Variants in NADSYN1 observed in about 807,000 individuals in gnomAD.
NADSYN1 encodes the protein glutamine-dependent NAD(+) synthetase.
In NADSYN1, 80 loss-of-function variants were observed where a neutral mutation model predicts 99.3. The observed-to-expected ratio is 0.81, with a 90% CI of 0.67 to 0.97. The LOEUF is 0.97. Ranked by LOEUF, NADSYN1 falls within the 50% of genes least tolerant of loss-of-function variation. The pLI is 0.00. For missense variants in NADSYN1, 859 were observed against 948.5 expected, an observed-to-expected ratio of 0.91 and a Z score of 1.24; for synonymous variants, 385 against 372.1, an observed-to-expected ratio of 1.03 and a Z score of -0.40.
At chr11:71,455,310 G>A (rs958984704) in intron 2 of NADSYN1, 140 bp downstream of exon 2, 2 of 662,802 alleles carry the variant, frequency 3.0e-6, no homozygotes, top group Admixed American at 3.0e-5. Flanking sequence ...CCTGGTTAAT[G>A]CCATTGAACA....
intron 18 of NADSYN1, among the ~76,000 whole-genome samples, chr11:71,495,907 G>A (rs1043446473): frequency 6.6e-6 from 1 of 152,214 alleles, no homozygotes; most frequent in Non-Finnish European, 1.5e-5. Context: ...CAATGGAAAG[G>A]GCCTGGGTTG....
intron 18 of NADSYN1, among the ~76,000 whole-genome samples, chr11:71,493,667 C>A (rs1194272159): frequency 1.3e-5 from 2 of 152,136 alleles, no homozygotes; most frequent in Non-Finnish European, 2.9e-5. Flanking sequence ...CTCCAACTTC[C>A]TTAGGTCACA....
chr11:71,485,500 C>T (rs1251498678), intron 15 of NADSYN1, 42 bp from the exon 16 acceptor site: 4 of 1,483,070 alleles, frequency 2.7e-6, no homozygotes, highest in Non-Finnish European at 3.6e-6. Context: ...CCCCGTGTTC[C>T]TTTGCAAGGG....
At chr11:71,487,963 G>C (rs1949754227) in intron 16 of NADSYN1, among the ~76,000 whole-genome samples, 1 of 152,090 alleles carries the variant, frequency 6.6e-6, no homozygotes, top group Non-Finnish European at 1.5e-5. Flanking sequence ...TAGTACTGAA[G>C]CCCTTCTCTC....
chr11:71,490,898 T>C lies in NADSYN1; in HGVS notation c.1616T>C (p.Ile539Thr), dbSNP rs1949774219. ...YDCSSADINPIGGISKTDLRA... is the reference protein window; with the variant it reads ...YDCSSADINPTGGISKTDLRA... ...TGCTCCAGTGCGGACATCAACCCCA[T>C]AGGCGGGATCAGCAAGACGGACCTC... The change falls in exon 17 of 21, where the codon ATA (isoleucine) becomes ACA (threonine). Residue 539 changes from isoleucine to threonine, a missense_variant. Physicochemically the swap from Ile to Thr is moderately conservative, Grantham distance 89. Coordinates refer to ENST00000319023, the MANE Select transcript of NADSYN1 (RefSeq NM_018161.5). The C allele has an allele frequency of 2.5e-6, 4 of 1,614,148 alleles. No individual in the cohort carries two copies. In the South Asian group the frequency reaches 3.3e-5, roughly 13 times the overall value.
intron 8 of NADSYN1, among the ~76,000 whole-genome samples, 159 bp from the exon 9 acceptor site, chr11:71,474,236 C>T (rs1027535172): frequency 3.3e-5 from 5 of 152,192 alleles, no homozygotes; most frequent in African/African-American, 1.2e-4. Flanking sequence ...CGCAGCTTCA[C>T]AGGTCTGTGC....
chr11:71,484,564 A>G, intron 15 of NADSYN1, 117 bp downstream of exon 15: 1 of 1,393,758 alleles, frequency 7.2e-7, no homozygotes, highest in Non-Finnish European at 9.5e-7. Flanking sequence ...AGCTCATGGC[A>G]CCGGTTACCT....
At chr11:71,488,112 T>C (rs1360503599) in intron 16 of NADSYN1, among the ~76,000 whole-genome samples, 1 of 152,162 alleles carries the variant, frequency 6.6e-6, no homozygotes, top group Non-Finnish European at 1.5e-5. Context: ...TGTTGTTGAA[T>C]TGCTTCTGAT....
chr11:71,464,867 CAAAAAAAAAA>C (rs926724365), intron 5 of NADSYN1, among the ~76,000 whole-genome samples: 406 of 40,512 alleles, frequency 0.01, 7 homozygotes, highest in African/African-American at 0.032. Flanking sequence ...GACTCTGTCT[CAAAAAAAAAA>C]AAAAAAAAAA....
chr11:71,493,884 C>A (rs1179791365), intron 18 of NADSYN1, among the ~76,000 whole-genome samples: 1 of 152,150 alleles, frequency 6.6e-6, no homozygotes, highest in Non-Finnish European at 1.5e-5. Flanking sequence ...GTAATCCCAG[C>A]ACTTTGGGAG....
chr11:71,464,763 A>T (rs936463305), intron 5 of NADSYN1, among the ~76,000 whole-genome samples: 3 of 147,458 alleles, frequency 2.0e-5, no homozygotes, highest in East Asian at 2.1e-4. Flanking sequence ...GCTACTCGGG[A>T]GGCTGAGGCA....
intron 3 of NADSYN1, chr11:71,458,850 T>A: frequency 3.5e-6 from 1 of 289,692 alleles, no homozygotes; most frequent in Admixed American, 4.7e-5. Flanking sequence ...AGAGCTTGAC[T>A]CACATCACAG....
chr11:71,475,102 A>G (rs1435439353), intron 9 of NADSYN1: 3 of 167,382 alleles, frequency 1.8e-5, no homozygotes, highest in Admixed American at 1.6e-4. Context: ...GAGGGCTGGC[A>G]GGGAACCAAA....
chr11:71,472,459 G>T lies in NADSYN1; in HGVS notation c.418G>T (p.Glu140Ter). The T allele has an allele frequency of 6.2e-7, 1 of 1,613,246 alleles. No individual in the cohort carries two copies. Residue 140 changes from glutamate to a stop codon, truncating the protein, a stop_gained, in exon 6 of 21, where the codon GAG becomes TAG. Coordinates refer to ENST00000319023, the MANE Select transcript of NADSYN1 (RefSeq NM_018161.5). LOFTEE classifies it high-confidence loss of function. ...TGTTTTCCTCTCCAGGCACACAGAG[G>T]AGTACTTTCTGCCTCGGATGATACA... The part of the protein sequence containing the change: ...TPWSRSRHTE[E>*]YFLPRMIQDL...
At chr11:71,458,226 C>G (rs928501297) in intron 2 of NADSYN1, among the ~76,000 whole-genome samples, 2 of 152,172 alleles carry the variant, frequency 1.3e-5, no homozygotes, top group Non-Finnish European at 2.9e-5. Flanking sequence ...GAGCAGGGGC[C>G]GTGCTCTTCG....
At chr11:71,477,380 C>G (rs1257773198) in intron 9 of NADSYN1, 1 of 1,289,606 alleles carries the variant, frequency 7.8e-7, no homozygotes, top group Non-Finnish European at 1.0e-6. Context: ...TGGGAAGCAG[C>G]CAGAGAACCA....
At chr11:71,474,940 G>A (rs974684594) in intron 9 of NADSYN1, 3 of 280,678 alleles carry the variant, frequency 1.1e-5, no homozygotes, top group African/African-American at 2.2e-5. Flanking sequence ...CCCACAGTGC[G>A]GGAGGAGGGC....
intron 5 of NADSYN1, among the ~76,000 whole-genome samples, chr11:71,469,224 A>G (rs1949612001): frequency 6.6e-6 from 1 of 152,190 alleles, no homozygotes; most frequent in Non-Finnish European, 1.5e-5. Flanking sequence ...TTGGGAGGCC[A>G]AAGTGGTCAG....
chr11:71,455,102 A>G lies in NADSYN1; in HGVS notation c.86-8A>G, dbSNP rs150372387. ...TGCTCCATTTTCTTTTTCTCTCTGT[A>G]CTTACAGGTATTGAAATTGCCAAAA... On this transcript the variant is annotated splice_polypyrimidine_tract_variant and splice_region_variant and intron_variant, in intron 1 of 20. Coordinates refer to ENST00000319023, the MANE Select transcript of NADSYN1 (RefSeq NM_018161.5). The G allele has an allele frequency of 1.2e-6, 2 of 1,610,296 alleles. No homozygotes were observed. Among genetic ancestry groups the G allele is most frequent in the African/African-American group, 2.7e-5 (2 of 74,834 alleles).
Sources: allele counts gnomAD v4.1 joint callset (sites outside exome capture counted in the v4.1 genomes callset), GRCh38; gene constraint gnomAD v4.1.1; transcripts MANE v1.5; gene names NCBI Gene and HGNC (gene_info 2026-07-23, HGNC 2026-07-21).